HPS5: variants seen among roughly 807,000 people sequenced by gnomAD.
The protein encoded by HPS5 is BLOC-2 complex member HPS5.
Under a neutral mutation model 128.0 loss-of-function variants are expected in HPS5, and 83 were observed. That is an observed-to-expected ratio of 0.65 (90% CI 0.54 to 0.78). HPS5 has a LOEUF of 0.78. HPS5 is among the 30% of genes least tolerant of loss of function. The pLI is 0.00. For synonymous variants in HPS5, 475 were observed against 470.2 expected (o/e 1.01, Z -0.13); for missense variants, 1,281 against 1,326.2 (o/e 0.97, Z 0.53).
intron 7 of HPS5, among the ~76,000 whole-genome samples, chr11:18,305,713 T>A (rs1273337989): frequency 6.6e-6 from 1 of 151,164 alleles, no homozygotes; most frequent in Non-Finnish European, 1.5e-5. Context: ...AACTTCACTC[T>A]GAAAAGATAG....
intron 7 of HPS5, among the ~76,000 whole-genome samples, chr11:18,305,709 A>C (rs1590116901): frequency 1.3e-5 from 2 of 149,444 alleles, no homozygotes; most frequent in East Asian, 2.0e-4. Context: ...ATCCAACTTC[A>C]CTCTGAAAAG....
chr11:18,288,131 G>A, intron 16 of HPS5, 118 bp from the exon 17 acceptor site: 1 of 1,040,232 alleles, frequency 9.6e-7, no homozygotes, highest in Non-Finnish European at 1.5e-6. Context: ...CCTATTATGT[G>A]CAAGGCCCAA....
intron 9 of HPS5, among the ~76,000 whole-genome samples, chr11:18,299,172 GAAGA>G: frequency 6.6e-6 from 1 of 152,270 alleles, no homozygotes; most frequent in African/African-American, 2.4e-5. Flanking sequence ...TAAAAGATGT[GAAGA>G]AAGAACTATA....
At chr11:18,296,182 T>C in intron 12 of HPS5, 60 bp from the exon 13 acceptor site, 2 of 1,563,556 alleles carry the variant, frequency 1.3e-6, no homozygotes, top group Non-Finnish European at 1.8e-6. Flanking sequence ...GTTGTTTTAA[T>C]CTTTAAAAAA....
intron 2 of HPS5, among the ~76,000 whole-genome samples, chr11:18,316,423 G>A (rs773533615): frequency 1.3e-5 from 2 of 152,122 alleles, no homozygotes; most frequent in Non-Finnish European, 2.9e-5. Context: ...CTTGGTCTTT[G>A]TGAGATATAC....
rs1858615547 is a variant in HPS5, at chr11:18,279,695, C to T, written c.*187G>A. The T allele has an allele frequency of 1.6e-6, 1 of 630,250 alleles. No individual in the cohort carries two copies. 39.0% of individuals were successfully genotyped at this position (630,250 alleles called of 1,614,324 possible). A position where few individuals can be genotyped will look rare whatever the true frequency, so the allele number is the denominator to read the frequency against. Reference sequence around the variant, plus strand: ...TGAGTACAACTTTGGTTAAGAAACACTGAGGTCATGGATAAAGAGTCACAG... The same window carrying T: ...TGAGTACAACTTTGGTTAAGAAACATTGAGGTCATGGATAAAGAGTCACAG... On this transcript the variant is annotated 3_prime_UTR_variant, in exon 23 of 23. Coordinates refer to ENST00000349215, the MANE Select transcript of HPS5 (RefSeq NM_181507.2).
chr11:18,315,782 G>C (rs1273807025), intron 2 of HPS5, among the ~76,000 whole-genome samples: 1 of 152,114 alleles, frequency 6.6e-6, no homozygotes, highest in African/African-American at 2.4e-5. Flanking sequence ...TTCTTCTGAA[G>C]GTAGCTCCAA....
chr11:18,288,339 C>T (rs899294234), intron 16 of HPS5, among the ~76,000 whole-genome samples: 1 of 152,168 alleles, frequency 6.6e-6, no homozygotes, highest in African/African-American at 2.4e-5. Context: ...TCCATATAAG[C>T]ACACATCAAA....
At chr11:18,300,186 C>G (rs1861529814) in intron 9 of HPS5, among the ~76,000 whole-genome samples, 1 of 152,066 alleles carries the variant, frequency 6.6e-6, no homozygotes. Context: ...CCACCCTGAT[C>G]TGATCAGGGT....
chr11:18,280,459 T>A (rs1858739587), intron 22 of HPS5: 2 of 616,474 alleles, frequency 3.2e-6, no homozygotes, highest in Non-Finnish European at 5.8e-6. Flanking sequence ...AATGGTGCAG[T>A]CTCTACAGAA....
chr11:18,301,922 A>G (rs553386449), intron 8 of HPS5, among the ~76,000 whole-genome samples: 1 of 152,224 alleles, frequency 6.6e-6, no homozygotes, highest in Admixed American at 6.5e-5. Flanking sequence ...CTTTTTTCCT[A>G]TATAACACAG....
chr11:18,285,292 G>A (rs990658870), intron 20 of HPS5, 54 bp downstream of exon 20: 1 of 1,096,374 alleles, frequency 9.1e-7, no homozygotes, highest in Non-Finnish European at 1.4e-6. Flanking sequence ...CTATAAAGTT[G>A]TTAACTGAAA....
chr11:18,286,461 G>A, intron 19 of HPS5, 130 bp downstream of exon 19: 1 of 866,012 alleles, frequency 1.2e-6, no homozygotes, highest in Non-Finnish European at 1.8e-6. Context: ...TTAATCACCT[G>A]AGCCTAGGAG....
At chr11:18,298,085 CAAAA>C (rs1200784930) in intron 10 of HPS5, among the ~76,000 whole-genome samples, 2 of 70,470 alleles carry the variant, frequency 2.8e-5, no homozygotes, top group Non-Finnish European at 5.9e-5. Context: ...GACTTCATCT[CAAAA>C]AAAAAAAAAA....
chr11:18,317,886 T>C lies in HPS5; in HGVS notation c.-28A>G, dbSNP rs933586329. The C allele has an allele frequency of 6.2e-7, 1 of 1,606,164 alleles. No homozygotes were observed. The highest frequency in any genetic ancestry group is 8.5e-7 in the Non-Finnish European group (1 of 1,175,108). On this transcript the variant is annotated 5_prime_UTR_variant, in exon 2 of 23. Coordinates refer to ENST00000349215, the MANE Select transcript of HPS5 (RefSeq NM_181507.2). Reference sequence around the variant, plus strand: ...AGCCAGAAAGCTGAAACTTGTTGAATGATAGATACAGTATTCCTCACCTGA... The same window carrying C: ...AGCCAGAAAGCTGAAACTTGTTGAACGATAGATACAGTATTCCTCACCTGA...
chr11:18,319,270 CA>C (rs1269904428), intron 1 of HPS5, among the ~76,000 whole-genome samples: 2 of 148,816 alleles, frequency 1.3e-5, no homozygotes, highest in Non-Finnish European at 3.0e-5. Context: ...CACACACACA[CA>C]CACACACACA....
At chr11:18,295,267 G>A (rs1479656212) in intron 13 of HPS5, 98 bp from the exon 14 acceptor site, 2 of 1,171,646 alleles carry the variant, frequency 1.7e-6, no homozygotes, top group Middle Eastern at 2.6e-4. Context: ...AAGTCCTAGG[G>A]AGGCAACTTG....
At position 18,297,668 on chromosome 11, in the gene HPS5, A is replaced by C; in HGVS notation, c.1214T>G (p.Leu405Arg). Residue 405 changes from leucine (L) to arginine (R), a missense_variant, in exon 11 of 23, where the codon CTG becomes CGG. By Grantham distance (102) the Leu-to-Arg change is moderately radical. Transcript: ENST00000349215. ...ADKLEHLKSQ[L>R]DHGTYNDLIS... The stretch of plus-strand genomic sequence containing the variant: ...TAGATCATTGTAGGTGCCATGGTCC[A>C]GCTGAGATTTCAAATGCTCCAATTT... 6.2e-7 allele frequency: 1 copy of C among 1,614,134 alleles called. No individual in the cohort carries two copies. Among genetic ancestry groups the C allele is most frequent in the Non-Finnish European group, 8.5e-7 (1 of 1,179,940 alleles).
intron 19 of HPS5, 27 bp from the exon 20 acceptor site, chr11:18,285,486 T>G (rs1156669202): frequency 2.1e-6 from 3 of 1,440,406 alleles, no homozygotes; most frequent in Admixed American, 1.7e-5. Context: ...AATCAGTAAA[T>G]TAGATAGGAA....
Sources: allele counts gnomAD v4.1 joint callset (sites outside exome capture counted in the v4.1 genomes callset), GRCh38; gene constraint gnomAD v4.1.1; transcripts MANE v1.5; gene names NCBI Gene and HGNC (gene_info 2026-07-23, HGNC 2026-07-21).